The following MAF variants were observed in gnomAD, a reference collection of about 807,000 sequenced individuals.
The protein encoded by MAF is transcription factor Maf.
In MAF, 10 loss-of-function variants were observed where a neutral mutation model predicts 22.0. The ratio of observed to expected loss-of-function variants is 0.45; its 90% CI spans 0.28 to 0.77. MAF has a LOEUF of 0.77. Among genes scored for constraint, MAF ranks in the 30% least tolerant of loss-of-function variants. The probability of loss-of-function intolerance (pLI) is 0.12; values close to 1 mark genes in which losing one functional copy is unlikely to be tolerated. For missense variants in MAF, 544 were observed against 548.4 expected (o/e 0.99, Z 0.08); for synonymous variants, 337 against 255.8 (o/e 1.32, Z -3.03).
downstream of MAF, among the ~76,000 whole-genome samples, chr16:79,582,765 A>G (rs558397715): frequency 8.5e-5 from 13 of 152,356 alleles, no homozygotes; most frequent in East Asian, 5.8e-4. Context: ...AGCTTAAGAC[A>G]TACTCGTCGA....
chr16:79,486,530 T>C, the MAF span, among the ~76,000 whole-genome samples: 3 of 152,154 alleles, frequency 2.0e-5, no homozygotes, highest in African/African-American at 7.2e-5. Flanking sequence ...TTCTAGGAAA[T>C]AAGTTCTGTG....
chr16:79,452,655 T>G, the MAF span, among the ~76,000 whole-genome samples: 2 of 152,174 alleles, frequency 1.3e-5, no homozygotes, highest in African/African-American at 2.4e-5. Context: ...TTGCTTCTAT[T>G]TGGGCACCTA....
the MAF span, among the ~76,000 whole-genome samples, chr16:79,430,701 C>A: frequency 6.6e-6 from 1 of 152,196 alleles, no homozygotes; most frequent in South Asian, 2.1e-4. Flanking sequence ...CCGGCTAGGC[C>A]TGCAGCTGGT....
chr16:79,459,180 A>T, the MAF span, among the ~76,000 whole-genome samples: 5,741 of 152,268 alleles, frequency 0.038, 113 homozygotes, highest in South Asian at 0.064. Flanking sequence ...TCAACTACAG[A>T]TTTGTCTCAC....
the MAF span, chr16:79,211,773 C>T: frequency 6.4e-5 from 103 of 1,614,124 alleles, no homozygotes; most frequent in African/African-American, 4.0e-4. Flanking sequence ...GATCCAAGAA[C>T]GGCTTGGCAG....
chr16:79,342,879 G>T, the MAF span, among the ~76,000 whole-genome samples: 1 of 152,108 alleles, frequency 6.6e-6, no homozygotes, highest in East Asian at 1.9e-4. Context: ...AGTTCATGGG[G>T]TTCTAGGCCT....
the MAF span, among the ~76,000 whole-genome samples, chr16:79,316,173 C>T: frequency 6.6e-6 from 1 of 152,206 alleles, no homozygotes; most frequent in Non-Finnish European, 1.5e-5. Context: ...ACCCAAAATG[C>T]GAGCTTTTTC....
the MAF span, among the ~76,000 whole-genome samples, chr16:79,414,058 G>C: frequency 7.0e-4 from 107 of 152,180 alleles, no homozygotes; most frequent in Non-Finnish European, 1.1e-3. Flanking sequence ...TCACTGCCTA[G>C]TCTAGTACTG....
chr16:79,276,941 C>T, the MAF span, among the ~76,000 whole-genome samples: 1 of 152,158 alleles, frequency 6.6e-6, no homozygotes, highest in Admixed American at 6.6e-5. Context: ...CCTTGACGTA[C>T]TCTGGCTTCT....
At chr16:79,594,904 T>A (rs1463140165) in intron 1 of MAF, 1 of 1,183,302 alleles carries the variant, frequency 8.5e-7, no homozygotes, top group African/African-American at 1.5e-5. Context: ...TATATTCAAC[T>A]ACCTTGTAGA....
chr16:79,299,647 T>C, the MAF span, among the ~76,000 whole-genome samples: 1 of 152,168 alleles, frequency 6.6e-6, no homozygotes, highest in South Asian at 2.1e-4. Context: ...GGAGGGCCCC[T>C]GAGACCAGCG....
the MAF span, among the ~76,000 whole-genome samples, chr16:79,397,659 G>T: frequency 2.0e-5 from 3 of 152,198 alleles, no homozygotes; most frequent in Admixed American, 2.0e-4. Context: ...GGGCTTGCTA[G>T]TTCCCTGCCC....
the MAF span, among the ~76,000 whole-genome samples, chr16:79,384,860 G>C: frequency 4.6e-5 from 7 of 152,354 alleles, 1 homozygote; most frequent in South Asian, 1.0e-3. Context: ...GGGTTGACCA[G>C]TTGTTCGTCA....
the MAF span, among the ~76,000 whole-genome samples, chr16:79,472,343 A>C: frequency 5.3e-5 from 8 of 152,246 alleles, no homozygotes; most frequent in Non-Finnish European, 1.0e-4. Flanking sequence ...GACATTATTC[A>C]TAATAATCAA....
the MAF span, among the ~76,000 whole-genome samples, chr16:79,257,240 G>A: frequency 2.6e-5 from 4 of 152,096 alleles, no homozygotes; most frequent in Admixed American, 1.3e-4. Flanking sequence ...ATCTGAATGA[G>A]GTGTGTTGTT....
the MAF span, among the ~76,000 whole-genome samples, chr16:79,509,965 G>A: frequency 1.3e-5 from 2 of 152,210 alleles, no homozygotes; most frequent in African/African-American, 4.8e-5. Context: ...GGATAGCGGA[G>A]GGTATCCTGA....
chr16:79,310,371 G>A, the MAF span, among the ~76,000 whole-genome samples: 1 of 152,152 alleles, frequency 6.6e-6, no homozygotes, highest in Admixed American at 6.5e-5. Context: ...GAGAGAGATA[G>A]AGACAGAGAG....
At chr16:79,582,185 A>G (rs77011861), downstream of MAF, among the ~76,000 whole-genome samples, 453 of 152,290 alleles carry the variant, frequency 3.0e-3, 6 homozygotes, top group Non-Finnish European at 4.0e-3. Context: ...TGCAGACACA[A>G]AACAACAACT....
chr16:79,502,733 A>ATG, the MAF span, among the ~76,000 whole-genome samples: 1 of 110,810 alleles, frequency 9.0e-6, no homozygotes, highest in East Asian at 2.1e-4. Flanking sequence ...ATATATATAT[A>ATG]TATATATATA....
Sources: gnomAD v4.1 joint callset for allele counts (sites outside exome capture counted in the v4.1 genomes callset) on GRCh38, gnomAD v4.1.1 for gene constraint, MANE v1.5 for transcripts, NCBI Gene and HGNC (gene_info 2026-07-23, HGNC 2026-07-21) for gene names.